The following KLF7 variants were observed in gnomAD, a reference collection of about 807,000 sequenced individuals.
KLF7 encodes KLF transcription factor 7, also known as Krueppel-like factor 7.
In KLF7, 2 loss-of-function variants were observed where a neutral mutation model predicts 27.3. That is an observed-to-expected ratio of 0.07 (90% CI 0.03 to 0.23). The LOEUF (loss-of-function observed/expected upper bound fraction) is 0.23, where lower values mean the gene tolerates loss of function less well. Among genes scored for constraint, KLF7 ranks in the 10% least tolerant of loss-of-function variants. The probability of loss-of-function intolerance (pLI) is 1.00; values close to 1 mark genes in which losing one functional copy is unlikely to be tolerated. For missense variants in KLF7, 221 were observed against 394.1 expected (o/e 0.56, Z 3.72); for synonymous variants, 165 against 162.4 (o/e 1.02, Z -0.12).
At chr2:207,081,874 TGAA>T (rs2076280532) in intron 3 of KLF7, among the ~76,000 whole-genome samples, 1 of 145,630 alleles carries the variant, frequency 6.9e-6, no homozygotes, top group African/African-American at 2.5e-5. Context: ...AAAAAAAGGA[TGAA>T]GAAGGGTGCT....
In KLF7 at chr2:207,074,597, T is replaced by C. The variant is rs1362963149; in HGVS notation, c.*6616A>G. 1 of 152,172 alleles carries C rather than the reference T, an allele frequency of 6.6e-6. No individual in the cohort carries two copies. Among genetic ancestry groups the C allele is most frequent in the Non-Finnish European group, 1.5e-5 (1 of 68,082 alleles). The allele number at this position is 152,172 out of a possible 1,614,324, so 9.4% of individuals were successfully genotyped here. A position where few individuals can be genotyped will look rare whatever the true frequency, so the allele number is the denominator to read the frequency against. On this transcript the variant is annotated 3_prime_UTR_variant, in exon 4 of 4. Coordinates refer to ENST00000309446, the MANE Select transcript of KLF7 (RefSeq NM_003709.4). ...TCCCCACTCCAACCACCTCCTGTCA[T>C]TTTACTGCCCCCTACCCCTCACCTA...
upstream of KLF7, among the ~76,000 whole-genome samples, chr2:207,169,431 A>G (rs944976682): frequency 6.6e-6 from 1 of 152,168 alleles, no homozygotes; most frequent in Non-Finnish European, 1.5e-5. Context: ...GTACTCCTCA[A>G]AGTAAATCTA....
intron 2 of KLF7, among the ~76,000 whole-genome samples, chr2:207,094,027 C>A (rs1023162128): frequency 6.6e-6 from 1 of 152,204 alleles, no homozygotes; most frequent in Non-Finnish European, 1.5e-5. Flanking sequence ...TGAGCAATAT[C>A]CCCTCTGGGA....
At chr2:207,151,400 G>A (rs192287965) in intron 1 of KLF7, among the ~76,000 whole-genome samples, 17 of 152,218 alleles carry the variant, frequency 1.1e-4, no homozygotes, top group African/African-American at 2.9e-4. Flanking sequence ...AGGAGGGCAG[G>A]GGGGAGGGAT....
At chr2:207,106,498 G>A (rs2076886575) in intron 2 of KLF7, among the ~76,000 whole-genome samples, 1 of 152,202 alleles carries the variant, frequency 6.6e-6, no homozygotes, top group East Asian at 1.9e-4. Context: ...ATGCCTCCCA[G>A]GGTTTTGCTA....
intron 3 of KLF7, among the ~76,000 whole-genome samples, chr2:207,083,483 G>T (rs2076321017): frequency 6.6e-6 from 1 of 152,148 alleles, no homozygotes; most frequent in Non-Finnish European, 1.5e-5. Context: ...ACTACCAGAT[G>T]AAACATTCAT....
chr2:207,079,286 CAT>C lies in KLF7; in HGVS notation c.*1925_*1926del, dbSNP rs2076229172. On this transcript the variant is annotated 3_prime_UTR_variant, in exon 4 of 4. Coordinates refer to ENST00000309446, the MANE Select transcript of KLF7 (RefSeq NM_003709.4). ...AAACCCAGATCTTGAAGGTTGCTGT[CAT>C]ATATGTGTTTGTGTTTCTTATATTA... The C allele has an allele frequency of 6.6e-6, 1 of 152,100 alleles. No individual in the cohort carries two copies. 9.4% of individuals were successfully genotyped at this position (152,100 alleles called of 1,614,324 possible).
chr2:207,130,409 T>C (rs2106013267), intron 1 of KLF7, among the ~76,000 whole-genome samples: 1 of 152,358 alleles, frequency 6.6e-6, no homozygotes, highest in South Asian at 2.1e-4. Flanking sequence ...ATGTCTGGTT[T>C]ATTAAGATCA....
rs372808582 is a variant in KLF7, at chr2:207,124,874, G to GCT, written c.103-472_103-471dup. ...CACAAGTAAGTCAGTTTTCCCACTTGCTCTGAAGAACAAGCCATGTTCACT... is the reference window on the plus strand; with the variant it reads ...CACAAGTAAGTCAGTTTTCCCACTTGCTCTCTGAAGAACAAGCCATGTTCACT... On this transcript the variant is annotated intron_variant, in intron 1 of 3. Coordinates refer to ENST00000309446, the MANE Select transcript of KLF7 (RefSeq NM_003709.4). Among the ~76,000 whole-genome samples, 795 of 152,270 alleles carry GCT rather than the reference G, an allele frequency of 5.2e-3. 13 individuals carry two copies. The highest frequency in any genetic ancestry group is 0.019 in the African/African-American group (770 of 41,544).
rs139952837 is a variant in KLF7, at chr2:207,124,261, G to A, written c.246C>T (p.Leu82=). ...ESFRRLDPLL[L]PVEAAICEKS... ...TCTCACAGATGGCCGCTTCCACGGG[G>A]AGCAGCAGGGGGTCTAAGCGACGGA... The change falls in exon 2 of 4, where the codon CTC becomes CTT. Residue 82 remains leucine, a synonymous_variant. Coordinates refer to ENST00000309446, the MANE Select transcript of KLF7 (RefSeq NM_003709.4). The A allele has an allele frequency of 4.9e-3, 7,841 of 1,614,136 alleles. 28 individuals carry two copies. Among genetic ancestry groups the A allele is most frequent in the Non-Finnish European group, 5.4e-3 (6,421 of 1,180,032 alleles).
intron 1 of KLF7, among the ~76,000 whole-genome samples, chr2:207,158,253 G>A (rs2078445776): frequency 6.6e-6 from 1 of 152,164 alleles, no homozygotes; most frequent in South Asian, 2.1e-4. Context: ...GGGCAAAAAA[G>A]TCAAGTGAGC....
At chr2:207,113,755 T>G (rs1053639591) in intron 2 of KLF7, among the ~76,000 whole-genome samples, 3 of 152,082 alleles carry the variant, frequency 2.0e-5, no homozygotes, top group Admixed American at 6.5e-5. Flanking sequence ...AGTAACAAGA[T>G]GTACAAGTCT....
chr2:207,086,359 T>C (rs1217200313), intron 3 of KLF7, among the ~76,000 whole-genome samples: 1 of 152,212 alleles, frequency 6.6e-6, no homozygotes. Flanking sequence ...GTCACCGTAA[T>C]TGAAACGCCA....
intron 1 of KLF7, among the ~76,000 whole-genome samples, chr2:207,146,704 C>A (rs2078106098): frequency 6.6e-6 from 1 of 151,616 alleles, no homozygotes; most frequent in African/African-American, 2.4e-5. Flanking sequence ...AAAGTGGTAG[C>A]ATTGGAAGAA....
chr2:207,157,219 T>TAAAAAAAAAAAAAAA (rs5838052), intron 1 of KLF7, among the ~76,000 whole-genome samples: 31 of 87,266 alleles, frequency 3.6e-4, no homozygotes, highest in Non-Finnish European at 4.6e-4. Flanking sequence ...AACAGAAAAG[T>TAAAAAAAAAAAAAAA]AAAAAAAAAA....
chr2:207,105,317 C>T (rs1301095506), intron 2 of KLF7, among the ~76,000 whole-genome samples: 1 of 152,148 alleles, frequency 6.6e-6, no homozygotes, highest in African/African-American at 2.4e-5. Flanking sequence ...GTGATAACAT[C>T]ACTGTTCCTG....
At chr2:207,139,946 T>C (rs183483870) in intron 1 of KLF7, among the ~76,000 whole-genome samples, 37 of 152,320 alleles carry the variant, frequency 2.4e-4, no homozygotes, top group Admixed American at 2.4e-3. Context: ...TGGAGTGCAG[T>C]GGCGCAATCT....
chr2:207,170,525 ATAGC>A (rs1380077722), upstream of KLF7, among the ~76,000 whole-genome samples: 2 of 152,210 alleles, frequency 1.3e-5, no homozygotes, highest in African/African-American at 4.8e-5. Flanking sequence ...TAGGACTTTC[ATAGC>A]TAGAGGAAGA....
intron 2 of KLF7, among the ~76,000 whole-genome samples, chr2:207,117,296 A>G (rs934209820): frequency 6.6e-6 from 1 of 152,258 alleles, no homozygotes; most frequent in Non-Finnish European, 1.5e-5. Context: ...ACCATGTGGT[A>G]AAGTTTTAAG....
Sources: gnomAD v4.1 joint callset for allele counts (sites outside exome capture counted in the v4.1 genomes callset) on GRCh38, gnomAD v4.1.1 for gene constraint, MANE v1.5 for transcripts, NCBI Gene and HGNC (gene_info 2026-07-23, HGNC 2026-07-21) for gene names.